PPP4R3A: variants seen among roughly 807,000 people sequenced by gnomAD.
PPP4R3A encodes the protein serine/threonine-protein phosphatase 4 regulatory subunit 3A.
A neutral mutation model predicts 91.7 loss-of-function variants in PPP4R3A; 15 were observed. The ratio of observed to expected loss-of-function variants is 0.16; its 90% CI spans 0.11 to 0.25. PPP4R3A has a LOEUF of 0.25. PPP4R3A is among the 10% of genes least tolerant of loss of function. The pLI is 1.00. For synonymous variants in PPP4R3A, 377 were observed against 348.7 expected (o/e 1.08, Z -0.91); for missense variants, 623 against 998.4 (o/e 0.62, Z 5.07).
chr14:91,465,123 T>G, intron 11 of PPP4R3A, 127 bp downstream of exon 11: 1 of 702,870 alleles, frequency 1.4e-6, no homozygotes, highest in Non-Finnish European at 2.1e-6. Flanking sequence ...CTCACAGGCT[T>G]TTAGTACTTT....
At chr14:91,510,421 A>AGGCGGGC (rs1392684429), upstream of PPP4R3A, 1 of 152,706 alleles carries the variant, frequency 6.5e-6, no homozygotes, top group Non-Finnish European at 1.5e-5. Context: ...CGGAGGCGGG[A>AGGCGGGC]GGCGGGCGCG....
At chr14:91,479,399 A>G (rs770154442) in intron 4 of PPP4R3A, among the ~76,000 whole-genome samples, 1 of 147,450 alleles carries the variant, frequency 6.8e-6, no homozygotes, top group Non-Finnish European at 1.5e-5. Flanking sequence ...ATAGGGTCTC[A>G]CTCTGTTGCT....
intron 1 of PPP4R3A, among the ~76,000 whole-genome samples, chr14:91,504,122 G>A (rs1891128519): frequency 6.6e-6 from 1 of 151,350 alleles, no homozygotes; most frequent in Non-Finnish European, 1.5e-5. Flanking sequence ...TTCGAGACCA[G>A]CCTGGGCGAC....
intron 2 of PPP4R3A, among the ~76,000 whole-genome samples, chr14:91,486,920 A>AAAAAT (rs1555436580): frequency 0.037 from 5,415 of 147,186 alleles, 134 homozygotes; most frequent in Non-Finnish European, 0.048. Flanking sequence ...AAAAAAAAAA[A>AAAAAT]AAAATAGAGA....
intron 1 of PPP4R3A, among the ~76,000 whole-genome samples, chr14:91,504,336 A>G (rs1315937128): frequency 6.6e-6 from 1 of 151,010 alleles, no homozygotes; most frequent in East Asian, 1.9e-4. Flanking sequence ...AAAAAAAAAA[A>G]AAAAAGAAAA....
At chr14:91,474,130 T>A (rs1889020862) in intron 7 of PPP4R3A, among the ~76,000 whole-genome samples, 1 of 152,342 alleles carries the variant, frequency 6.6e-6, no homozygotes, top group East Asian at 1.9e-4. Flanking sequence ...TCTCCATTTG[T>A]AAAAGTGATA....
At position 91,458,556 on chromosome 14, in the gene PPP4R3A, G is replaced by T; in HGVS notation, c.*203C>A. 1.3e-6 allele frequency: 1 copy of T among 744,358 alleles called. No homozygotes were observed. The allele number at this position is 744,358 out of a possible 1,614,324, so 46.1% of individuals were successfully genotyped here. On this transcript the variant is annotated 3_prime_UTR_variant, in exon 15 of 15. Transcript: ENST00000554943. ...GTGGTCCAAGCTGGAGAGCTCAAAG[G>T]CTTAAGTCTTTCCCCTAAATATATG...
chr14:91,497,368 ACACACACACAC>A (rs1343682097), intron 1 of PPP4R3A, among the ~76,000 whole-genome samples: 8 of 103,046 alleles, frequency 7.8e-5, no homozygotes, highest in African/African-American at 1.5e-4. Context: ...ACACACACAC[ACACACACACAC>A]GATACCTTTT....
Position 91,495,173 on chromosome 14 carries a change from T to C in PPP4R3A, c.143-4371A>G, listed in dbSNP as rs1452732754. Among the ~76,000 whole-genome samples, 3 of 152,106 alleles carry C rather than the reference T, an allele frequency of 2.0e-5. No individual in the cohort carries two copies. In the East Asian group the frequency reaches 5.8e-4, roughly 29 times the overall value. Reference sequence around the variant, plus strand: ...TTTACAACAGCAAAAAATGAACAGATAAATTCAATGTGGCATATACTCAGC... The same window carrying C: ...TTTACAACAGCAAAAAATGAACAGACAAATTCAATGTGGCATATACTCAGC... On this transcript the variant is annotated intron_variant, in intron 1 of 14. Transcript: ENST00000554943.
chr14:91,506,217 G>T (rs1340164990), intron 1 of PPP4R3A, among the ~76,000 whole-genome samples: 1 of 152,192 alleles, frequency 6.6e-6, no homozygotes, highest in East Asian at 1.9e-4. Context: ...TAAGTGATGG[G>T]ATTACAGGCA....
chr14:91,492,219 G>A (rs1204071669), intron 1 of PPP4R3A, among the ~76,000 whole-genome samples: 1 of 152,118 alleles, frequency 6.6e-6, no homozygotes. Flanking sequence ...GTTTATACCT[G>A]CAAGTACTAC....
chr14:91,479,503 G>C (rs1319787464), intron 4 of PPP4R3A, among the ~76,000 whole-genome samples: 1 of 151,110 alleles, frequency 6.6e-6, no homozygotes, highest in Admixed American at 6.6e-5. Flanking sequence ...ACATGGCTGG[G>C]ATTATAGGCA....
At chr14:91,476,621 A>G in intron 5 of PPP4R3A, 97 bp from the exon 6 acceptor site, 1 of 882,650 alleles carries the variant, frequency 1.1e-6, no homozygotes, top group Non-Finnish European at 1.7e-6. Context: ...GCTGGAGTGC[A>G]ATGGCACGAT....
rs760094394 is a variant in PPP4R3A, at chr14:91,458,635, G to GT, written c.*123dup. ...GGCACTTGATGAGCAGAAGTCAAGTGTAAGAGGCTGATCTGTGTCAGTCAT... is the reference window on the plus strand; with the variant it reads ...GGCACTTGATGAGCAGAAGTCAAGTGTTAAGAGGCTGATCTGTGTCAGTCAT... On this transcript the variant is annotated 3_prime_UTR_variant, in exon 15 of 15. Transcript: ENST00000554943. The GT allele has an allele frequency of 1.0e-5, 14 of 1,392,110 alleles. No homozygotes were observed. In the African/African-American group the frequency reaches 1.1e-4, roughly 11 times the overall value. The allele number at this position is 1,392,110 out of a possible 1,614,324, so 86.2% of individuals were successfully genotyped here. A position where few individuals can be genotyped will look rare whatever the true frequency, so the allele number is the denominator to read the frequency against.
In PPP4R3A at chr14:91,482,465, A is replaced by G. The variant is rs143709611; in HGVS notation, c.298-272T>C. Among the ~76,000 whole-genome samples, 90 of 152,278 alleles carry G rather than the reference A, an allele frequency of 5.9e-4. 1 individual carries two copies. Among genetic ancestry groups the G allele is most frequent in the African/African-American group, 1.8e-3 (76 of 41,570 alleles). On this transcript the variant is annotated intron_variant, in intron 3 of 14. Coordinates refer to ENST00000554943, the MANE Select transcript of PPP4R3A (RefSeq NM_001366432.2). ...TTTCTAGGACAGGCTAAACTAAGTG[A>G]GACTGTTACGAAACAGCCCTCTGCA...
chr14:91,485,225 T>C (rs1889813594), intron 3 of PPP4R3A, among the ~76,000 whole-genome samples: 1 of 152,252 alleles, frequency 6.6e-6, no homozygotes, highest in Non-Finnish European at 1.5e-5. Flanking sequence ...CCAATGGATC[T>C]AGATTTATTA....
At chr14:91,480,544 T>C (rs967298962) in intron 4 of PPP4R3A, among the ~76,000 whole-genome samples, 1 of 152,212 alleles carries the variant, frequency 6.6e-6, no homozygotes, top group African/African-American at 2.4e-5. Context: ...ATTTTACAAA[T>C]TCGTTTTAAA....
chr14:91,485,786 TG>T, intron 2 of PPP4R3A, 56 bp from the exon 3 acceptor site: 3 of 1,186,286 alleles, frequency 2.5e-6, no homozygotes, highest in Non-Finnish European at 3.6e-6. Flanking sequence ...CAAACGAAAA[TG>T]AACAAACAAA....
At chr14:91,479,171 C>T (rs575928906) in intron 4 of PPP4R3A, among the ~76,000 whole-genome samples, 5 of 151,918 alleles carry the variant, frequency 3.3e-5, no homozygotes, top group East Asian at 2.0e-4. Context: ...TTAGTAGAGA[C>T]GAGGTTTTGC....
Sources: gnomAD v4.1 joint callset for allele counts (sites outside exome capture counted in the v4.1 genomes callset) on GRCh38, gnomAD v4.1.1 for gene constraint, MANE v1.5 for transcripts, NCBI Gene and HGNC (gene_info 2026-07-23, HGNC 2026-07-21) for gene names.